Variants in NDP observed in about 807,000 individuals in gnomAD.
NDP encodes the protein norrin cystine knot growth factor NDP.
In NDP, 2 loss-of-function variants were observed where a neutral mutation model predicts 8.4. The observed-to-expected ratio is 0.24, with a 90% CI of 0.10 to 0.75. The LOEUF (loss-of-function observed/expected upper bound fraction) is 0.75. Ranked by LOEUF, NDP falls within the 30% of genes least tolerant of loss-of-function variation. The pLI, the probability that NDP is intolerant of heterozygous loss-of-function variation, is 0.73. For synonymous variants in NDP, 55 were observed against 45.6 expected (o/e 1.21, Z -0.83); for missense variants, 81 against 110.1 (o/e 0.74, Z 1.18).
chrX:43,957,909 TC>T (rs1264719694), intron 2 of NDP, among the ~76,000 whole-genome samples: 4 of 107,467 alleles, frequency 3.7e-5, no homozygotes, highest in African/African-American at 1.4e-4. Context: ...ACGGACTGCC[TC>T]TGCAAGAAAC....
intron 1 of NDP, among the ~76,000 whole-genome samples, chrX:43,971,113 C>T (rs1384035925): frequency 8.9e-6 from 1 of 112,152 alleles, no homozygotes; most frequent in Non-Finnish European, 1.9e-5. Context: ...ATTGGCAATG[C>T]CCATTTCAGT....
chrX:43,965,898 C>G (rs181427966), intron 1 of NDP, among the ~76,000 whole-genome samples: 1 of 111,532 alleles, frequency 9.0e-6, no homozygotes, highest in East Asian at 2.8e-4. Flanking sequence ...CTGAGACTTA[C>G]GTCTAAAAGA....
intron 2 of NDP, among the ~76,000 whole-genome samples, chrX:43,954,085 G>A (rs1335308968): frequency 1.8e-5 from 2 of 112,296 alleles, no homozygotes; most frequent in South Asian, 3.7e-4. Context: ...GAGTGGAAAA[G>A]TATTTTGCCT....
chrX:43,951,826 G>A (rs781239157), intron 2 of NDP, among the ~76,000 whole-genome samples: 1 of 111,916 alleles, frequency 8.9e-6, no homozygotes, highest in African/African-American at 3.2e-5. Context: ...GAATAAGTTG[G>A]ACTAGACCAG....
intron 2 of NDP, among the ~76,000 whole-genome samples, chrX:43,955,286 C>A (rs1484278607): frequency 8.9e-6 from 1 of 112,333 alleles, no homozygotes; most frequent in Non-Finnish European, 1.9e-5. Context: ...ATAATATCTT[C>A]TATTAAATGG....
At chrX:43,961,842 G>A (rs910893735) in intron 1 of NDP, among the ~76,000 whole-genome samples, 2 of 111,345 alleles carry the variant, frequency 1.8e-5, no homozygotes, top group African/African-American at 6.5e-5. Context: ...CTTCCAGGGC[G>A]ACCACATAGT....
chrX:43,969,103 C>T (rs1184269785), intron 1 of NDP, among the ~76,000 whole-genome samples: 1 of 111,561 alleles, frequency 9.0e-6, no homozygotes. Context: ...TTGAGAGGTC[C>T]ACTTCCTTCC....
At chrX:43,961,491 T>A (rs2035825896) in intron 1 of NDP, among the ~76,000 whole-genome samples, 1 of 112,227 alleles carries the variant, frequency 8.9e-6, no homozygotes, top group African/African-American at 3.2e-5. Flanking sequence ...TGATTTGAGT[T>A]AAAATGGAGA....
At position 43,958,541 on chromosome X, in the gene NDP, G is replaced by T; in HGVS notation, c.105C>A (p.Asp35Glu). 1 of 1,211,379 alleles carries T rather than the reference G, an allele frequency of 8.3e-7. No homozygotes were observed. Among genetic ancestry groups the T allele is most frequent in the Non-Finnish European group, 1.1e-6 (1 of 894,898 alleles). Residue 35 changes from aspartate (D) to glutamate (E), a missense_variant, in exon 2 of 3, where the codon GAC becomes GAA. Coordinates refer to ENST00000642620, the MANE Select transcript of NDP (RefSeq NM_000266.4). ...KTDSSFIMDSDPRRCMRHHYV... is the reference protein window; with the variant it reads ...KTDSSFIMDSEPRRCMRHHYV... ...AGTGGTGCCTCATGCAGCGTCGAGG[G>T]TCCGAGTCCATTATGAATGAGCTGT...
At chrX:43,951,414 C>T (rs1031023992) in intron 2 of NDP, among the ~76,000 whole-genome samples, 1 of 109,914 alleles carries the variant, frequency 9.1e-6, no homozygotes, top group African/African-American at 3.3e-5. Flanking sequence ...GGCCCTGTCT[C>T]AAAAAGAAAA....
Position 43,949,578 on chromosome X carries a change from A to C in NDP, c.*221T>G. 1 of 430,293 alleles carries C rather than the reference A, an allele frequency of 2.3e-6. No homozygotes were observed. Among genetic ancestry groups the C allele is most frequent in the East Asian group, 3.8e-5 (1 of 25,992 alleles). 35.5% of individuals were successfully genotyped at this position (430,293 alleles called of 1,213,427 possible). A position where few individuals can be genotyped will look rare whatever the true frequency, so the allele number is the denominator to read the frequency against. Reference sequence around the variant, plus strand: ...ATGCCTGAATCTGAAAATGAACCAAAAGAAATTGTACCAGAGAAAGGAGAT... The same window carrying C: ...ATGCCTGAATCTGAAAATGAACCAACAGAAATTGTACCAGAGAAAGGAGAT... On this transcript the variant is annotated 3_prime_UTR_variant, in exon 3 of 3. Transcript: ENST00000642620.
chrX:43,969,216 C>T (rs2035875974), intron 1 of NDP, among the ~76,000 whole-genome samples: 1 of 112,014 alleles, frequency 8.9e-6, no homozygotes, highest in Non-Finnish European at 1.9e-5. Context: ...TTTTTTAGTT[C>T]GGATCAACCC....
At position 43,950,064 on chromosome X, in the gene NDP, G is replaced by A. The variant is rs202103624; in HGVS notation, c.175-38C>T. 5 of 1,106,313 alleles carry A rather than the reference G, an allele frequency of 4.5e-6. No homozygotes were observed. The East Asian group carries it at 1.6e-4, about 35-fold the overall frequency. The allele number at this position is 1,106,313 out of a possible 1,213,427, so 91.2% of individuals were successfully genotyped here. A position where few individuals can be genotyped will look rare whatever the true frequency, so the allele number is the denominator to read the frequency against. The stretch of plus-strand genomic sequence containing the variant: ...AAGGAGGTGGTTACTCTGTGGGCAT[G>A]CCACAACCTTAGCCAGGTAAAACAG... On this transcript the variant is annotated intron_variant, in intron 2 of 2. Coordinates refer to ENST00000642620, the MANE Select transcript of NDP (RefSeq NM_000266.4).
At chrX:43,954,294 C>A (rs1333771799) in intron 2 of NDP, among the ~76,000 whole-genome samples, 1 of 110,861 alleles carries the variant, frequency 9.0e-6, no homozygotes, top group African/African-American at 3.3e-5. Flanking sequence ...AAGAAAATTG[C>A]AACCAGGGAA....
chrX:43,972,248 C>A (rs2035894792), intron 1 of NDP, among the ~76,000 whole-genome samples: 2 of 111,435 alleles, frequency 1.8e-5, no homozygotes, highest in African/African-American at 6.5e-5. Flanking sequence ...GCACCTGAAT[C>A]TCAGTAAAGA....
In NDP at chrX:43,949,506, T is replaced by C. The variant is rs868833919; in HGVS notation, c.*293A>G. On this transcript the variant is annotated 3_prime_UTR_variant, in exon 3 of 3. Coordinates refer to ENST00000642620, the MANE Select transcript of NDP (RefSeq NM_000266.4). ...ATGAGGGCCCACTTTTTCCCACTAA[T>C]GCTGAATTGTTGGAAACCCAAACAG... 75 of 348,699 alleles carry C rather than the reference T, an allele frequency of 2.2e-4. No individual in the cohort carries two copies. Among genetic ancestry groups the C allele is most frequent in the African/African-American group, 1.7e-3 (64 of 38,511 alleles). The allele number at this position is 348,699 out of a possible 1,213,427, so 28.7% of individuals were successfully genotyped here.
chrX:43,960,398 A>G (rs773133513), intron 1 of NDP, among the ~76,000 whole-genome samples: 1 of 112,040 alleles, frequency 8.9e-6, no homozygotes, highest in South Asian at 3.8e-4. Flanking sequence ...TATCATCTCC[A>G]TATGCAGACA....
intron 1 of NDP, among the ~76,000 whole-genome samples, chrX:43,965,267 A>G (rs34645280): frequency 0.24 from 26,682 of 109,152 alleles, 2,735 homozygotes; most frequent in Non-Finnish European, 0.3. Context: ...TAATAAAAAA[A>G]TACTAGCCAG....
chrX:43,972,995 G>A lies in NDP; in HGVS notation c.-208+309C>T, dbSNP rs1025618523. On this transcript the variant is annotated intron_variant, in intron 1 of 2. Transcript: ENST00000642620. ...GCTGCTTCGCAGCCCCCTTTCACGG[G>A]GTCAACTATAAGAACCATCACAAAG... Among the ~76,000 whole-genome samples the A allele has an allele frequency of 2.0e-4, 22 of 112,328 alleles. 1 individual carries two copies. The Admixed American group carries it at 2.0e-3, about 10-fold the overall frequency.
Sources: gnomAD v4.1 joint callset for allele counts (sites outside exome capture counted in the v4.1 genomes callset) on GRCh38, gnomAD v4.1.1 for gene constraint, MANE v1.5 for transcripts, NCBI Gene and HGNC (gene_info 2026-07-23, HGNC 2026-07-21) for gene names.